C1QTNF3: variants seen among roughly 807,000 people sequenced by gnomAD.
The protein encoded by C1QTNF3 is complement C1q tumor necrosis factor-related protein 3.
Under a neutral mutation model 32.6 loss-of-function variants are expected in C1QTNF3, and 26 were observed. The observed-to-expected ratio is 0.80, with a 90% CI of 0.58 to 1.11. The LOEUF is 1.11. C1QTNF3 is among the 50% of genes least tolerant of loss of function. The probability of loss-of-function intolerance (pLI) is 0.00; values close to 1 mark genes in which losing one functional copy is unlikely to be tolerated. For synonymous variants in C1QTNF3, 155 were observed against 146.0 expected (o/e 1.06, Z -0.44); for missense variants, 362 against 398.2 (o/e 0.91, Z 0.77).
chr5:34,073,634 C>T, the C1QTNF3 span, among the ~76,000 whole-genome samples: 148 of 152,308 alleles, frequency 9.7e-4, 1 homozygote, highest in Admixed American at 3.1e-3. Context: ...ATTATTCTTT[C>T]GTATAATATT....
the C1QTNF3 span, among the ~76,000 whole-genome samples, chr5:34,142,319 C>T: frequency 9.9e-5 from 15 of 151,930 alleles, no homozygotes; most frequent in African/African-American, 3.4e-4. Flanking sequence ...GTAGTCCCAG[C>T]TACTTGGGAG....
chr5:34,033,458 C>T lies in C1QTNF3; in HGVS notation c.416G>A (p.Gly139Glu). 1.2e-6 allele frequency: 2 copies of T among 1,614,166 alleles called. No homozygotes were observed. The highest frequency in any genetic ancestry group is 8.5e-7 in the Non-Finnish European group (1 of 1,180,006). Residue 139 changes from glycine to glutamate, a missense_variant and splice_region_variant, in exon 3 of 6, where the codon GGA (glycine) becomes GAA (glutamate). By Grantham distance (98) the Gly-to-Glu change is moderately conservative. Transcript: ENST00000382065. The part of the protein sequence containing the change: ...PGPPGPPGIP[G>E]NHGNNGNNGA... ...ATTGTTGCCATTGTTTCCATGGTTT[C>T]CTTAAACAACCAGACATCATCACAT...
At chr5:34,235,819 A>C in the C1QTNF3 span, among the ~76,000 whole-genome samples, 6 of 152,280 alleles carry the variant, frequency 3.9e-5, no homozygotes, top group African/African-American at 1.2e-4. Context: ...GACCCAACTC[A>C]AGCTGGTGAT....
At chr5:34,236,570 CTTTTTTTTTTTTTTT>C in the C1QTNF3 span, among the ~76,000 whole-genome samples, 1 of 27,292 alleles carries the variant, frequency 3.7e-5, no homozygotes, top group Non-Finnish European at 1.0e-4. Context: ...TTTCTTTTTT[CTTTTTTTTTTTTTTT>C]TTTTTTTTGA....
intron 2 of C1QTNF3, among the ~76,000 whole-genome samples, 177 bp downstream of exon 2, chr5:34,035,470 C>T (rs538492608): frequency 3.0e-4 from 46 of 152,350 alleles, no homozygotes; most frequent in African/African-American, 1.1e-3. Flanking sequence ...CTGGTCGTTT[C>T]GGACTCAATG....
At chr5:34,222,315 A>C in the C1QTNF3 span, among the ~76,000 whole-genome samples, 1 of 152,034 alleles carries the variant, frequency 6.6e-6, no homozygotes, top group African/African-American at 2.4e-5. Context: ...ACTAGGGCAC[A>C]ATTGTAAATG....
chr5:34,205,820 T>C, the C1QTNF3 span, among the ~76,000 whole-genome samples: 2 of 148,888 alleles, frequency 1.3e-5, no homozygotes, highest in Non-Finnish European at 3.0e-5. Flanking sequence ...TATGAAAAAA[T>C]TGATACTCCC....
chr5:34,234,666 T>C, the C1QTNF3 span, among the ~76,000 whole-genome samples: 1 of 152,138 alleles, frequency 6.6e-6, no homozygotes, highest in Non-Finnish European at 1.5e-5. Context: ...CTGACAAAAA[T>C]ATTTCTGAGC....
chr5:34,039,408 T>TG (rs1232030583), intron 1 of C1QTNF3, among the ~76,000 whole-genome samples: 1 of 152,190 alleles, frequency 6.6e-6, no homozygotes, highest in Non-Finnish European at 1.5e-5. Flanking sequence ...CTCTAAAACT[T>TG]GCGTTGGTCT....
At chr5:34,050,283 C>T in the C1QTNF3 span, among the ~76,000 whole-genome samples, 2 of 152,098 alleles carry the variant, frequency 1.3e-5, no homozygotes, top group African/African-American at 2.4e-5. Flanking sequence ...TTCTCATGTG[C>T]GCCTCTCTCC....
the C1QTNF3 span, among the ~76,000 whole-genome samples, chr5:34,049,632 G>A: frequency 2.6e-3 from 395 of 152,302 alleles, no homozygotes; most frequent in African/African-American, 8.9e-3. Context: ...GCAGGATCTT[G>A]AAAGATCCAA....
rs923369746 is a variant in C1QTNF3 at position 34,017,878 on chromosome 5, T to G, written c.*2705A>C. Among the ~76,000 whole-genome samples the G allele has an allele frequency of 2.6e-5, 4 of 151,800 alleles. No individual in the cohort carries two copies. The highest frequency in any genetic ancestry group is 9.7e-5 in the African/African-American group (4 of 41,310). ...AATAATTATATGCACACATAGTTTA[T>G]TTTTTTAAAAAGAGAATGCTCATGA... On this transcript the variant is annotated 3_prime_UTR_variant, in exon 6 of 6. Transcript: ENST00000382065.
the C1QTNF3 span, among the ~76,000 whole-genome samples, chr5:34,117,830 G>C: frequency 1.3e-5 from 2 of 151,842 alleles, no homozygotes; most frequent in Non-Finnish European, 2.9e-5. Flanking sequence ...AATGTAGTAT[G>C]CTTTGTTTCC....
the C1QTNF3 span, among the ~76,000 whole-genome samples, chr5:34,238,441 A>T: frequency 6.6e-6 from 1 of 152,200 alleles, no homozygotes; most frequent in South Asian, 2.1e-4. Context: ...AAACAGCCAC[A>T]CTGAATTTCT....
chr5:34,164,386 A>T, the C1QTNF3 span, among the ~76,000 whole-genome samples: 1 of 152,102 alleles, frequency 6.6e-6, no homozygotes, highest in Non-Finnish European at 1.5e-5. Flanking sequence ...CTCCTGGAGA[A>T]GATGATAATG....
the C1QTNF3 span, among the ~76,000 whole-genome samples, chr5:34,144,334 C>T: frequency 6.6e-6 from 1 of 152,160 alleles, no homozygotes. Flanking sequence ...GACATCAACA[C>T]CCCAGTGACA....
the C1QTNF3 span, among the ~76,000 whole-genome samples, chr5:34,088,739 C>T: frequency 8.5e-5 from 13 of 152,096 alleles, no homozygotes; most frequent in Admixed American, 4.6e-4. Context: ...CTGGAACTCC[C>T]GGGCTCAAGC....
chr5:34,166,177 A>C, the C1QTNF3 span: 1 of 152,146 alleles, frequency 6.6e-6, no homozygotes. Context: ...ACGACAATGG[A>C]TATAGTTGCC....
the C1QTNF3 span, among the ~76,000 whole-genome samples, chr5:34,089,689 A>G: frequency 6.6e-6 from 1 of 152,246 alleles, no homozygotes. Flanking sequence ...ATAAAATAAT[A>G]TGATGAAAGC....
Sources: gnomAD v4.1 joint callset for allele counts (sites outside exome capture counted in the v4.1 genomes callset) on GRCh38, gnomAD v4.1.1 for gene constraint, MANE v1.5 for transcripts, NCBI Gene and HGNC (gene_info 2026-07-23, HGNC 2026-07-21) for gene names.